TUSC3: variants seen among roughly 807,000 people sequenced by gnomAD.
The protein encoded by TUSC3 is dolichyl-diphosphooligosaccharide--protein glycosyltransferase subunit TUSC3.
TUSC3 carries 45 observed loss-of-function variants against 44.8 expected under a neutral mutation model. That is an observed-to-expected ratio of 1.00 (90% CI 0.79 to 1.29). The LOEUF (loss-of-function observed/expected upper bound fraction) is 1.29. Among genes scored for constraint, TUSC3 ranks in the 50% most tolerant of loss-of-function variants. The probability of loss-of-function intolerance (pLI) is 0.00; values close to 1 mark genes in which losing one functional copy is unlikely to be tolerated. For synonymous variants in TUSC3, 212 were observed against 152.9 expected (o/e 1.39, Z -2.85); for missense variants, 519 against 437.9 (o/e 1.19, Z -1.65).
At chr8:15,759,002 C>G (rs1259809619) in intron 10 of TUSC3, among the ~76,000 whole-genome samples, 1 of 152,086 alleles carries the variant, frequency 6.6e-6, no homozygotes, top group Non-Finnish European at 1.5e-5. Context: ...GAGAAGAGAG[C>G]CCCAGGACTT....
intron 1 of TUSC3, among the ~76,000 whole-genome samples, chr8:15,465,100 G>A (rs936564981): frequency 5.9e-5 from 9 of 152,200 alleles, no homozygotes; most frequent in East Asian, 3.9e-4. Context: ...CACCTGCCTT[G>A]GCTCCCAAAT....
intron 1 of TUSC3, among the ~76,000 whole-genome samples, chr8:15,603,455 G>A (rs1023341507): frequency 6.6e-6 from 1 of 151,564 alleles, no homozygotes; most frequent in African/African-American, 2.4e-5. Context: ...CTTGTAATTG[G>A]TTAGTAAGTT....
intron 6 of TUSC3, among the ~76,000 whole-genome samples, chr8:15,709,506 CAT>C (rs534802402): frequency 1.1e-3 from 169 of 151,870 alleles, no homozygotes; most frequent in African/African-American, 3.7e-3. Flanking sequence ...CTGACTTACT[CAT>C]TATTCCCAGC....
the TUSC3 span, among the ~76,000 whole-genome samples, chr8:15,818,545 T>C: frequency 6.6e-6 from 1 of 152,306 alleles, no homozygotes; most frequent in East Asian, 1.9e-4. Flanking sequence ...AGACAGGTGA[T>C]TAAAAATGCA....
intron 2 of TUSC3, among the ~76,000 whole-genome samples, chr8:15,485,683 A>G (rs562877241): frequency 8.5e-5 from 13 of 152,252 alleles, no homozygotes; most frequent in Admixed American, 8.5e-4. Context: ...GTTGGGAATG[A>G]AGAGTAGGAG....
chr8:15,535,981 C>G (rs1326010662), upstream of TUSC3, among the ~76,000 whole-genome samples: 5 of 152,174 alleles, frequency 3.3e-5, no homozygotes, highest in Non-Finnish European at 7.3e-5. Context: ...TTTTTGAAAA[C>G]ATGAGTTTTT....
intron 2 of TUSC3, among the ~76,000 whole-genome samples, chr8:15,626,912 G>A (rs1388102762): frequency 6.6e-6 from 1 of 152,202 alleles, no homozygotes; most frequent in Non-Finnish European, 1.5e-5. Flanking sequence ...GCTGCAGGAG[G>A]CAGACAGGCT....
At chr8:15,804,277 A>T in the TUSC3 span, among the ~76,000 whole-genome samples, 1 of 152,150 alleles carries the variant, frequency 6.6e-6, no homozygotes, top group Non-Finnish European at 1.5e-5. Flanking sequence ...GATTTTTAAA[A>T]AGTTTACACT....
intron 1 of TUSC3, among the ~76,000 whole-genome samples, chr8:15,590,817 G>T (rs1365988858): frequency 6.6e-6 from 1 of 151,740 alleles, no homozygotes. Flanking sequence ...CACAACAGGT[G>T]CACACCACTG....
intron 2 of TUSC3, among the ~76,000 whole-genome samples, chr8:15,640,512 G>A (rs922718598): frequency 4.6e-5 from 7 of 152,016 alleles, no homozygotes; most frequent in Non-Finnish European, 7.4e-5. Flanking sequence ...TTTTCTCCTG[G>A]TCTTGGCAAG....
chr8:15,491,518 G>T (rs1419892580), intron 2 of TUSC3, among the ~76,000 whole-genome samples: 1 of 152,098 alleles, frequency 6.6e-6, no homozygotes, highest in East Asian at 1.9e-4. Flanking sequence ...AAGGCATGAA[G>T]AAATTTCTAG....
At chr8:15,830,227 C>T in the TUSC3 span, among the ~76,000 whole-genome samples, 1 of 151,880 alleles carries the variant, frequency 6.6e-6, no homozygotes, top group East Asian at 1.9e-4. Flanking sequence ...TAAATATTTT[C>T]CCCCATTCTG....
At chr8:15,846,353 C>T in the TUSC3 span, among the ~76,000 whole-genome samples, 2 of 152,106 alleles carry the variant, frequency 1.3e-5, no homozygotes, top group South Asian at 4.1e-4. Flanking sequence ...TATAGTAGAA[C>T]CCATTACTGC....
chr8:15,828,242 G>A, the TUSC3 span, among the ~76,000 whole-genome samples: 6 of 152,200 alleles, frequency 3.9e-5, no homozygotes, highest in South Asian at 2.1e-4. Context: ...TGATCCACCC[G>A]CCTTGGCCTC....
chr8:15,805,603 T>C, the TUSC3 span, among the ~76,000 whole-genome samples: 1 of 152,186 alleles, frequency 6.6e-6, no homozygotes, highest in Admixed American at 6.6e-5. Context: ...ATTTTTGTTT[T>C]CAGTTCTGTT....
intron 3 of TUSC3, among the ~76,000 whole-genome samples, chr8:15,658,699 CAA>C (rs1183216288): frequency 6.7e-6 from 1 of 150,350 alleles, no homozygotes; most frequent in Non-Finnish European, 1.5e-5. Flanking sequence ...TATACACATA[CAA>C]TATATATACA....
chr8:15,811,979 T>G, the TUSC3 span, among the ~76,000 whole-genome samples: 4,243 of 152,296 alleles, frequency 0.028, 104 homozygotes, highest in Middle Eastern at 0.065. Context: ...GACGATCAAT[T>G]AAAATATTTT....
the TUSC3 span, among the ~76,000 whole-genome samples, chr8:15,791,714 T>G: frequency 6.6e-6 from 1 of 152,332 alleles, no homozygotes; most frequent in Non-Finnish European, 1.5e-5. Flanking sequence ...TTAAGAAACT[T>G]CATTTAAGCT....
At chr8:15,676,940 C>G (rs1808217512) in intron 6 of TUSC3, among the ~76,000 whole-genome samples, 1 of 152,090 alleles carries the variant, frequency 6.6e-6, no homozygotes, top group African/African-American at 2.4e-5. Flanking sequence ...TCATGGTGAC[C>G]TACATTTAAT....
Sources: gnomAD v4.1 joint callset for allele counts (sites outside exome capture counted in the v4.1 genomes callset) on GRCh38, gnomAD v4.1.1 for gene constraint, MANE v1.5 for transcripts, NCBI Gene and HGNC (gene_info 2026-07-23, HGNC 2026-07-21) for gene names.